The following RHBDF2 variants were observed in gnomAD, a reference collection of about 807,000 sequenced individuals.
RHBDF2 encodes rhomboid 5 homolog 2.
RHBDF2 carries 38 observed loss-of-function variants against 95.2 expected under a neutral mutation model. That is an observed-to-expected ratio of 0.40 (90% CI 0.31 to 0.52). The LOEUF is 0.52. Ranked by LOEUF, RHBDF2 falls within the 20% of genes least tolerant of loss-of-function variation. RHBDF2 has a pLI of 0.56. For synonymous variants in RHBDF2, 442 were observed against 462.0 expected (o/e 0.96, Z 0.55); for missense variants, 863 against 1,137.7 (o/e 0.76, Z 3.47).
chr17:76,481,581 G>A, intron 2 of RHBDF2, 36 bp from the exon 3 acceptor site: 1 of 1,557,680 alleles, frequency 6.4e-7, no homozygotes, highest in Non-Finnish European at 8.7e-7. Flanking sequence ...GGTGGGCGGT[G>A]CGGGGTGGCG....
At chr17:76,477,373 G>T in intron 7 of RHBDF2, 75 bp from the exon 8 acceptor site, 1 of 1,503,358 alleles carries the variant, frequency 6.7e-7, no homozygotes, top group South Asian at 1.3e-5. Flanking sequence ...CAATTCAAGG[G>T]CAGGACACAG....
In RHBDF2 at chr17:76,492,304, C is replaced by G. The variant is rs3744047; in HGVS notation, c.-219-4395G>C. On this transcript the variant is annotated intron_variant, in intron 1 of 18. Transcript: ENST00000675367. ...TCCCCTGCCCAGGCTCAGGGCCTCC[C>G]CCACTGCAGATAGCTTTGGAGACAG... Among the ~76,000 whole-genome samples, 64 of 152,310 alleles carry G rather than the reference C, an allele frequency of 4.2e-4. 1 individual carries two copies. In the East Asian group the frequency reaches 0.012, roughly 29 times the overall value.
intron 1 of RHBDF2, among the ~76,000 whole-genome samples, chr17:76,498,846 T>C (rs978452742): frequency 3.1e-5 from 3 of 96,268 alleles, no homozygotes; most frequent in African/African-American, 6.3e-5. Context: ...GTCTGTGTGT[T>C]TGTGTGTGTC....
chr17:76,477,260 G>A lies in RHBDF2; in HGVS notation c.840C>T (p.Ser280=). ...MSSMPDDVFE[S]PPLSASYFRG... ...GGAAGTAGCTGGCAGAGAGTGGGGGGGACTCAAAGACATCATCAGGCATGG... is the reference window on the plus strand; with the variant it reads ...GGAAGTAGCTGGCAGAGAGTGGGGGAGACTCAAAGACATCATCAGGCATGG... The change falls in exon 8 of 19, where the codon TCC becomes TCT. Residue 280 remains serine (S), a synonymous_variant. Transcript: ENST00000675367. The A allele has an allele frequency of 6.2e-7, 1 of 1,610,280 alleles. No individual in the cohort carries two copies. The highest frequency in any genetic ancestry group is 8.5e-7 in the Non-Finnish European group (1 of 1,178,798).
chr17:76,473,175 G>A lies in RHBDF2; in HGVS notation c.1810-70C>T, dbSNP rs573048733. On this transcript the variant is annotated intron_variant, in intron 16 of 18. Transcript: ENST00000675367. ...GTCTGAGGCTCCGACATGGGAGGGA[G>A]TGCGTGAGCCCCGGCCCCAGCAGGC... 37 of 1,582,868 alleles carry A rather than the reference G, an allele frequency of 2.3e-5. No individual in the cohort carries two copies. In the South Asian group the frequency reaches 4.0e-4, roughly 17 times the overall value.
intron 1 of RHBDF2, among the ~76,000 whole-genome samples, chr17:76,499,371 C>T (rs533801057): frequency 6.6e-6 from 1 of 152,304 alleles, no homozygotes; most frequent in East Asian, 1.9e-4. Flanking sequence ...CCCACCGTGC[C>T]AGCCACCCCT....
chr17:76,478,266 T>C (rs1446809723), intron 6 of RHBDF2, among the ~76,000 whole-genome samples: 4 of 152,200 alleles, frequency 2.6e-5, no homozygotes, highest in Non-Finnish European at 5.9e-5. Flanking sequence ...AGCACTGTAC[T>C]TCCTCTGGGC....
At chr17:76,479,703 G>A (rs2073889773) in intron 4 of RHBDF2, 30 bp downstream of exon 4, 4 of 1,544,620 alleles carry the variant, frequency 2.6e-6, no homozygotes, top group Admixed American at 1.7e-5. Context: ...CTGGGTGGGG[G>A]GTGCTGGGCT....
chr17:76,479,370 G>T (rs777843077), intron 4 of RHBDF2, 93 bp from the exon 5 acceptor site: 68 of 1,509,786 alleles, frequency 4.5e-5, no homozygotes, highest in Non-Finnish European at 5.7e-5. Context: ...GTGTGCCCGC[G>T]TGCCTACAGG....
At chr17:76,499,288 GA>G (rs2074516647) in intron 1 of RHBDF2, among the ~76,000 whole-genome samples, 1 of 152,210 alleles carries the variant, frequency 6.6e-6, no homozygotes, top group South Asian at 2.1e-4. Flanking sequence ...GCTACTGCAA[GA>G]AAACAGGGAG....
At chr17:76,495,299 T>C (rs2144441125) in intron 1 of RHBDF2, among the ~76,000 whole-genome samples, 1 of 152,328 alleles carries the variant, frequency 6.6e-6, no homozygotes, top group South Asian at 2.1e-4. Context: ...CCATTTCCGT[T>C]TGTGACTGTC....
At chr17:76,497,569 C>G (rs2074458040) in intron 1 of RHBDF2, among the ~76,000 whole-genome samples, 1 of 152,222 alleles carries the variant, frequency 6.6e-6, no homozygotes, top group Non-Finnish European at 1.5e-5. Context: ...CATGGACCGG[C>G]AGCCACGCCC....
chr17:76,494,666 C>G (rs1341838109), intron 1 of RHBDF2, among the ~76,000 whole-genome samples: 1 of 152,134 alleles, frequency 6.6e-6, no homozygotes, highest in Admixed American at 6.5e-5. Context: ...GCAGAAGAAT[C>G]GCTTGAACCT....
At chr17:76,473,531 T>C in intron 15 of RHBDF2, 117 bp downstream of exon 15, 3 of 991,684 alleles carry the variant, frequency 3.0e-6, no homozygotes, top group Non-Finnish European at 3.0e-6. Flanking sequence ...AGGACAGTTA[T>C]TGGAGGGCAT....
intron 3 of RHBDF2, 153 bp from the exon 4 acceptor site, chr17:76,480,007 ATGTGTGTGTGTGTGTGTGTG>A: frequency 6.6e-6 from 2 of 305,276 alleles, no homozygotes; most frequent in Non-Finnish European, 1.1e-5. Context: ...TATATATATA[ATGTGTGTGTGTGTGTGTGTG>A]TGTGTGTGTG....
chr17:76,494,197 T>G (rs1183939465), intron 1 of RHBDF2, among the ~76,000 whole-genome samples: 1 of 152,192 alleles, frequency 6.6e-6, no homozygotes, highest in African/African-American at 2.4e-5. Flanking sequence ...ACCAACCATC[T>G]GGGCTTTCTC....
At chr17:76,493,543 A>T (rs973998231) in intron 1 of RHBDF2, among the ~76,000 whole-genome samples, 6 of 152,140 alleles carry the variant, frequency 3.9e-5, no homozygotes, top group Non-Finnish European at 8.8e-5. Context: ...GAGGCAAAAC[A>T]GAAGGGCAGG....
chr17:76,477,429 G>T, intron 7 of RHBDF2, 131 bp from the exon 8 acceptor site: 1 of 1,250,192 alleles, frequency 8.0e-7, no homozygotes, highest in Non-Finnish European at 1.1e-6. Flanking sequence ...CCACATGCCC[G>T]TCAGCCCCAA....
intron 1 of RHBDF2, among the ~76,000 whole-genome samples, chr17:76,494,983 C>A (rs2074398289): frequency 6.6e-6 from 1 of 151,144 alleles, no homozygotes; most frequent in Admixed American, 6.6e-5. Context: ...CAGAAGTGGC[C>A]CCTGGGGGCC....
Sources: gnomAD v4.1 joint callset for allele counts (sites outside exome capture counted in the v4.1 genomes callset) on GRCh38, gnomAD v4.1.1 for gene constraint, MANE v1.5 for transcripts, NCBI Gene and HGNC (gene_info 2026-07-23, HGNC 2026-07-21) for gene names.